Variants in HPCAL1 observed in about 807,000 individuals in gnomAD.
The protein encoded by HPCAL1 is hippocalcin like 1.
In HPCAL1, 8 loss-of-function variants were observed where a neutral mutation model predicts 17.1. The ratio of observed to expected loss-of-function variants is 0.47; its 90% confidence interval spans 0.27 to 0.84. The LOEUF (loss-of-function observed/expected upper bound fraction) is 0.84, where lower values mean the gene tolerates loss of function less well. Ranked by LOEUF, HPCAL1 falls within the 40% of genes least tolerant of loss-of-function variation. The pLI, the probability that HPCAL1 is intolerant of heterozygous loss-of-function variation, is 0.13. For missense variants in HPCAL1, 165 were observed against 271.1 expected (o/e 0.61, Z 2.75); for synonymous variants, 112 against 111.4 (o/e 1.01, Z -0.03).
At chr2:10,381,455 T>A (rs1444873951) in intron 1 of HPCAL1, among the ~76,000 whole-genome samples, 2 of 152,132 alleles carry the variant, frequency 1.3e-5, no homozygotes, top group African/African-American at 4.8e-5. Flanking sequence ...GCGCACTGCG[T>A]GGAGATGTTC....
rs572815328 is a variant in HPCAL1, at chr2:10,330,547, C to G, written c.-111+27370C>G. Among the ~76,000 whole-genome samples the G allele has an allele frequency of 6.6e-6, 1 of 152,224 alleles. No homozygotes were observed. The highest frequency in any genetic ancestry group is 2.4e-5 in the African/African-American group (1 of 41,528). ...GCGGCAGGGTTGGTGTCACCCGAGG[C>G]CTCTCTCCTCGGCTCCGTGTAGCCC... On this transcript the variant is annotated intron_variant, in intron 1 of 4. Coordinates refer to ENST00000307845, the MANE Select transcript of HPCAL1 (RefSeq NM_002149.4). The surrounding 1 kb of genome is among the most constrained non-coding windows in gnomAD (Gnocchi z 4.2).
In HPCAL1 at chr2:10,394,086, G is replaced by C. The variant is rs895332554; in HGVS notation, c.-110-2749G>C. On this transcript the variant is annotated intron_variant, in intron 1 of 4. Coordinates refer to ENST00000307845, the MANE Select transcript of HPCAL1 (RefSeq NM_002149.4). The surrounding 1 kb of genome is among the most constrained non-coding windows in gnomAD (Gnocchi z 5.0). ...GCTTTGATTGTGCCACTGCGCTCCAGCCTGGGTGACAGAGCGAGATCCTGT... is the reference window on the plus strand; with the variant it reads ...GCTTTGATTGTGCCACTGCGCTCCACCCTGGGTGACAGAGCGAGATCCTGT... Among the ~76,000 whole-genome samples, 1 of 152,048 alleles carries C rather than the reference G, an allele frequency of 6.6e-6. No individual in the cohort carries two copies. Among genetic ancestry groups the C allele is most frequent in the Non-Finnish European group, 1.5e-5 (1 of 68,024 alleles).
rs756932562 is a variant in HPCAL1 at position 10,316,441 on chromosome 2, G to A, written c.-111+13264G>A. Among the ~76,000 whole-genome samples, 58 of 152,150 alleles carry A rather than the reference G, an allele frequency of 3.8e-4. 1 individual carries two copies. Among genetic ancestry groups the A allele is most frequent in the African/African-American group, 1.3e-3 (53 of 41,414 alleles). ...TTCTTTTTCTCTCTGTGACTCAGGC[G>A]GTTGATGTTGGGTTGACCGTATTTC... On this transcript the variant is annotated intron_variant, in intron 1 of 4. Coordinates refer to ENST00000307845, the MANE Select transcript of HPCAL1 (RefSeq NM_002149.4).
At chr2:10,414,483 CCT>C (rs1457036881) in intron 2 of HPCAL1, among the ~76,000 whole-genome samples, 4 of 152,142 alleles carry the variant, frequency 2.6e-5, no homozygotes, top group Non-Finnish European at 4.4e-5. Context: ...CACGGTTTCC[CCT>C]GTGTGTCTGT....
rs1666821188 is a variant in HPCAL1 at position 10,365,921 on chromosome 2, C to G, written c.-110-30914C>G. Among the ~76,000 whole-genome samples, 1 of 152,220 alleles carries G rather than the reference C, an allele frequency of 6.6e-6. No individual in the cohort carries two copies. The highest frequency in any genetic ancestry group is 6.5e-5 in the Admixed American group (1 of 15,284). ...CGGCCTCCCATTGAGATCAGCTATA[C>G]GTGATATAGACCAGGGATGCACGCC... On this transcript the variant is annotated intron_variant, in intron 1 of 4. Transcript: ENST00000307845. This position sits in a 1 kb window ranked among gnomAD's most constrained non-coding sequence, Gnocchi z 4.8.
chr2:10,346,404 G>C (rs183702998), intron 1 of HPCAL1, among the ~76,000 whole-genome samples: 1 of 152,190 alleles, frequency 6.6e-6, no homozygotes, highest in African/African-American at 2.4e-5. Flanking sequence ...TGGAGTCTTG[G>C]GGGAGGTGCT....
In HPCAL1 at chr2:10,394,887, C is replaced by G. The variant is rs1375610462; in HGVS notation, c.-110-1948C>G. The stretch of plus-strand genomic sequence containing the variant: ...CTCGGCTCACTGCAACCTCAGCCTT[C>G]TGGGCCCAGGTGATCTTCCCACCTC... On this transcript the variant is annotated intron_variant, in intron 1 of 4. Transcript: ENST00000307845. This position sits in a 1 kb window ranked among gnomAD's most constrained non-coding sequence, Gnocchi z 5.0. 6.6e-6 allele frequency among the ~76,000 whole-genome samples: 1 copy of G among 151,156 alleles called. No homozygotes were observed. The highest frequency in any genetic ancestry group is 1.5e-5 in the Non-Finnish European group (1 of 67,748).
chr2:10,386,046 C>T lies in HPCAL1; in HGVS notation c.-110-10789C>T, dbSNP rs151276400. On this transcript the variant is annotated intron_variant, in intron 1 of 4. Transcript: ENST00000307845. ...AATGTCGATAACACAGCAGGACTTGCGTGTGACAAGCTGAGCCACATAACG... is the reference window on the plus strand; with the variant it reads ...AATGTCGATAACACAGCAGGACTTGTGTGTGACAAGCTGAGCCACATAACG... Among the ~76,000 whole-genome samples, 5 of 152,210 alleles carry T rather than the reference C, an allele frequency of 3.3e-5. 1 individual carries two copies. The highest frequency in any genetic ancestry group is 1.2e-4 in the African/African-American group (5 of 41,454).
chr2:10,375,432 G>A (rs1258291518), intron 1 of HPCAL1, among the ~76,000 whole-genome samples: 1 of 152,160 alleles, frequency 6.6e-6, no homozygotes, highest in Non-Finnish European at 1.5e-5. Context: ...ACAGCTCCCT[G>A]TGCATCAGAG....
At chr2:10,349,112 A>G (rs1374121878) in intron 1 of HPCAL1, among the ~76,000 whole-genome samples, 1 of 152,204 alleles carries the variant, frequency 6.6e-6, no homozygotes, top group Non-Finnish European at 1.5e-5. Context: ...GCAGTTAACA[A>G]TGCTGGCCAC....
chr2:10,421,536 A>G (rs773086595), intron 3 of HPCAL1, among the ~76,000 whole-genome samples: 1 of 152,190 alleles, frequency 6.6e-6, no homozygotes, highest in African/African-American at 2.4e-5. Flanking sequence ...CTCCATCTCT[A>G]TAAAAAATTA....
chr2:10,329,414 G>C (rs920494639), intron 1 of HPCAL1, among the ~76,000 whole-genome samples: 1 of 152,098 alleles, frequency 6.6e-6, no homozygotes, highest in Non-Finnish European at 1.5e-5. Context: ...CAGTGAGCCC[G>C]AGGGAGGTGT....
intron 1 of HPCAL1, among the ~76,000 whole-genome samples, chr2:10,324,679 G>T (rs1258819355): frequency 6.6e-6 from 1 of 151,378 alleles, no homozygotes; most frequent in Non-Finnish European, 1.5e-5. Flanking sequence ...GGTGAAACTG[G>T]GAGTTCTTGG....
chr2:10,317,043 A>G (rs955579107), intron 1 of HPCAL1, among the ~76,000 whole-genome samples: 1 of 152,176 alleles, frequency 6.6e-6, no homozygotes, highest in Admixed American at 6.5e-5. Flanking sequence ...CTCGCCTATC[A>G]CTGGAGACAG....
rs1214238216 is a variant in HPCAL1, at chr2:10,306,673, T to C, written c.-111+3496T>C. On this transcript the variant is annotated intron_variant, in intron 1 of 4. Transcript: ENST00000307845. ...ATGGTTGGAATCTAGTGGTGCAGATTGTAATATGACTTCAGGTAATCAATA... is the reference window on the plus strand; with the variant it reads ...ATGGTTGGAATCTAGTGGTGCAGATCGTAATATGACTTCAGGTAATCAATA... 4.6e-5 allele frequency among the ~76,000 whole-genome samples: 7 copies of C among 152,332 alleles called. No homozygotes were observed. In the South Asian group the frequency reaches 1.2e-3, roughly 27 times the overall value.
rs1458422731 is a variant in HPCAL1, at chr2:10,304,223, T to C, written c.-111+1046T>C. Among the ~76,000 whole-genome samples, 1 of 152,076 alleles carries C rather than the reference T, an allele frequency of 6.6e-6. No homozygotes were observed. The highest frequency in any genetic ancestry group is 1.5e-5 in the Non-Finnish European group (1 of 67,976). ...GCTCCCGCGCAAGCGTGGGGGTCCCTCTCCTGGCCGGGAGGCAGCGACTGC... is the reference window on the plus strand; with the variant it reads ...GCTCCCGCGCAAGCGTGGGGGTCCCCCTCCTGGCCGGGAGGCAGCGACTGC... On this transcript the variant is annotated intron_variant, in intron 1 of 4. Transcript: ENST00000307845. The surrounding 1 kb of genome is among the most constrained non-coding windows in gnomAD (Gnocchi z 4.1).
chr2:10,389,922 A>G (rs1302085750), intron 1 of HPCAL1, among the ~76,000 whole-genome samples: 1 of 152,222 alleles, frequency 6.6e-6, no homozygotes, highest in East Asian at 1.9e-4. Flanking sequence ...CTGCTGCTTC[A>G]CGGGGCATGT....
chr2:10,339,546 A>G (rs571969305), intron 1 of HPCAL1, among the ~76,000 whole-genome samples: 35 of 152,146 alleles, frequency 2.3e-4, no homozygotes, highest in Non-Finnish European at 3.7e-4. Context: ...ACAGAGTTTC[A>G]CTATGTTGGC....
At chr2:10,388,227 G>A (rs1176628519) in intron 1 of HPCAL1, among the ~76,000 whole-genome samples, 2 of 152,118 alleles carry the variant, frequency 1.3e-5, no homozygotes, top group Admixed American at 1.3e-4. Context: ...CGGGGCCGTC[G>A]GCATTTCCCC....
Sources: allele counts gnomAD v4.1 joint callset (sites outside exome capture counted in the v4.1 genomes callset), GRCh38; gene constraint gnomAD v4.1.1; non-coding constraint Gnocchi (gnomAD v3.1); transcripts MANE v1.5; gene names NCBI Gene and HGNC (gene_info 2026-07-23, HGNC 2026-07-21).